The following TMCC2 variants were observed in gnomAD, a reference collection of about 807,000 sequenced individuals.
TMCC2 encodes transmembrane and coiled-coil domains protein 2.
A neutral mutation model predicts 49.4 loss-of-function variants in TMCC2; 16 were observed. The ratio of observed to expected loss-of-function variants is 0.32; its 90% confidence interval spans 0.22 to 0.49. The LOEUF is 0.49. TMCC2 is among the 20% of genes least tolerant of loss of function. The pLI is 0.99. For missense variants in TMCC2, 762 were observed against 989.8 expected (o/e 0.77, Z 3.09); for synonymous variants, 397 against 434.1 (o/e 0.91, Z 1.06).
At chr1:205,237,358 G>A (rs560351010) in intron 1 of TMCC2, among the ~76,000 whole-genome samples, 7 of 152,286 alleles carry the variant, frequency 4.6e-5, no homozygotes, top group African/African-American at 1.4e-4. Context: ...ATAAATAGAG[G>A]AATGTTGGCG....
At position 205,271,275 on chromosome 1, in the gene TMCC2, G is replaced by C. The variant is rs1661578324; in HGVS notation, c.1818+20G>C. 5 of 1,613,846 alleles carry C rather than the reference G, an allele frequency of 3.1e-6. No homozygotes were observed. The highest frequency in any genetic ancestry group is 4.2e-6 in the Non-Finnish European group (5 of 1,180,030). On this transcript the variant is annotated intron_variant, in intron 4 of 4. Transcript: ENST00000358024. ...ATCCAGGTATGGCCAGGGCAACCTT[G>C]GGAGGCCCCAGATGTGCTGGTAGAG...
At chr1:205,268,178 C>T (rs1474247096) in intron 2 of TMCC2, 1 of 617,404 alleles carries the variant, frequency 1.6e-6, no homozygotes, top group Non-Finnish European at 2.0e-6. Flanking sequence ...GCGGTCAGCC[C>T]TGAGGGAGAG....
Position 205,271,166 on chromosome 1 carries a change from C to T in TMCC2, c.1729C>T (p.Gln577Ter). The change falls in exon 4 of 5, where the codon CAG (glutamine) becomes TAG (stop). Residue 577 changes from glutamine (Q) to a stop codon, truncating the protein, a stop_gained. Coordinates refer to ENST00000358024, the MANE Select transcript of TMCC2 (RefSeq NM_014858.4). LOFTEE classifies it high-confidence loss of function. ...GCTCAACGACCTGACTGAGCTTCAT[C>T]AGAACGAGATGACGAACCTGAAGCA... ...EQLNDLTELH[Q>*]NEMTNLKQEL... 2 of 1,613,848 alleles carry T rather than the reference C, an allele frequency of 1.2e-6. No individual in the cohort carries two copies. The highest frequency in any genetic ancestry group is 1.7e-6 in the Non-Finnish European group (2 of 1,180,038).
At position 205,241,416 on chromosome 1, in the gene TMCC2, C is replaced by A. The variant is rs1169556873; in HGVS notation, c.208-89C>A. On this transcript the variant is annotated intron_variant, in intron 1 of 4. Coordinates refer to ENST00000358024, the MANE Select transcript of TMCC2 (RefSeq NM_014858.4). The surrounding 1 kb of genome is among the most constrained non-coding windows in gnomAD (Gnocchi z 7.3). The stretch of plus-strand genomic sequence containing the variant: ...GGCTGCATTAGCTATGCCAGTCTAC[C>A]AAGGACAGACCCTTCACCTTCACCC... 2 of 1,386,808 alleles carry A rather than the reference C, an allele frequency of 1.4e-6. No individual in the cohort carries two copies. Among genetic ancestry groups the A allele is most frequent in the Non-Finnish European group, 9.9e-7 (1 of 1,009,068 alleles). The allele number at this position is 1,386,808 out of a possible 1,614,324, so 85.9% of individuals were successfully genotyped here. A position where few individuals can be genotyped will look rare whatever the true frequency, so the allele number is the denominator to read the frequency against.
chr1:205,233,491 T>C (rs1659893586), intron 1 of TMCC2, among the ~76,000 whole-genome samples: 1 of 152,126 alleles, frequency 6.6e-6, no homozygotes, highest in Non-Finnish European at 1.5e-5. Flanking sequence ...TCCTGTGTGG[T>C]TCTCCCTGCT....
At chr1:205,232,353 G>A (rs1659834050) in intron 1 of TMCC2, among the ~76,000 whole-genome samples, 1 of 152,212 alleles carries the variant, frequency 6.6e-6, no homozygotes, top group Non-Finnish European at 1.5e-5. Flanking sequence ...TGCAACAGGA[G>A]CACAACAATT....
rs959593641 is a variant in TMCC2 at position 205,245,161 on chromosome 1, C to G, written c.747+3117C>G. 2.0e-5 allele frequency among the ~76,000 whole-genome samples: 3 copies of G among 152,068 alleles called. No individual in the cohort carries two copies. In the South Asian group the frequency reaches 6.2e-4, roughly 32 times the overall value. On this transcript the variant is annotated intron_variant, in intron 2 of 4. Coordinates refer to ENST00000358024, the MANE Select transcript of TMCC2 (RefSeq NM_014858.4). ...AATGGCAGGGACCTCGAAGGCCAGG[C>G]TGAAGCAACACTGAGTACAGTAGAA...
At chr1:205,253,757 G>A (rs779128235) in intron 2 of TMCC2, among the ~76,000 whole-genome samples, 1 of 152,226 alleles carries the variant, frequency 6.6e-6, no homozygotes, top group Non-Finnish European at 1.5e-5. Flanking sequence ...GCTCCTGATG[G>A]CAGCTACTTC....
In TMCC2 at chr1:205,260,824, T is replaced by C. The variant is rs145802226; in HGVS notation, c.748-8126T>C. On this transcript the variant is annotated intron_variant, in intron 2 of 4. Transcript: ENST00000358024. ...GTTTGTTTCACTTAGCCTAACATTA[T>C]TGAGGTTCACCCATGTTGGAGCATT... Among the ~76,000 whole-genome samples, 98 of 152,328 alleles carry C rather than the reference T, an allele frequency of 6.4e-4. 1 individual carries two copies. The highest frequency in any genetic ancestry group is 1.0e-3 in the Non-Finnish European group (70 of 68,038).
intron 2 of TMCC2, among the ~76,000 whole-genome samples, chr1:205,247,091 A>G (rs947546715): frequency 5.9e-5 from 9 of 152,190 alleles, no homozygotes; most frequent in Admixed American, 2.0e-4. Flanking sequence ...CAGGGTGATC[A>G]TGGGGGAAAT....
chr1:205,243,358 T>C (rs953206619), intron 2 of TMCC2, among the ~76,000 whole-genome samples: 7 of 152,042 alleles, frequency 4.6e-5, no homozygotes, highest in Non-Finnish European at 7.4e-5. Context: ...CACTCCAGCC[T>C]GGGAGACAGA....
In TMCC2 at chr1:205,269,892, C is replaced by T; in HGVS notation, c.1682+8C>T. The T allele has an allele frequency of 6.2e-7, 1 of 1,605,456 alleles. No individual in the cohort carries two copies. The highest frequency in any genetic ancestry group is 8.5e-7 in the Non-Finnish European group (1 of 1,174,910). The stretch of plus-strand genomic sequence containing the variant: ...GCAGGAGGAGCGCTACAGGTAGGTG[C>T]CTGCCCACCCCCTCCTGCAGCCCAG... On this transcript the variant is annotated splice_region_variant and intron_variant, in intron 3 of 4. Coordinates refer to ENST00000358024, the MANE Select transcript of TMCC2 (RefSeq NM_014858.4).
chr1:205,232,447 C>A (rs1195390310), intron 1 of TMCC2, among the ~76,000 whole-genome samples: 2 of 152,166 alleles, frequency 1.3e-5, no homozygotes, highest in African/African-American at 4.8e-5. Context: ...CCTTATTGCC[C>A]AGCCTTTTGC....
At position 205,239,972 on chromosome 1, in the gene TMCC2, GA is replaced by G. The variant is rs1026945243; in HGVS notation, c.208-1522del. On this transcript the variant is annotated intron_variant, in intron 1 of 4. Coordinates refer to ENST00000358024, the MANE Select transcript of TMCC2 (RefSeq NM_014858.4). ...TCTGCTCTGTAAGTTTGTTTCTAGG[GA>G]AAAAAAAAAAGAAAATCCAGTCTGT... is the stretch of plus-strand genomic sequence containing the variant. 4.2e-4 allele frequency among the ~76,000 whole-genome samples: 60 copies of G among 143,202 alleles called. No individual in the cohort carries two copies. The Middle Eastern group carries it at 0.011, about 26-fold the overall frequency. The allele number at this position is 143,202 out of a possible 152,430, so 93.9% of individuals were successfully genotyped here.
intron 1 of TMCC2, among the ~76,000 whole-genome samples, chr1:205,235,731 A>C (rs1016072905): frequency 6.6e-6 from 1 of 152,220 alleles, no homozygotes; most frequent in African/African-American, 2.4e-5. Flanking sequence ...AAGTTAGAAC[A>C]AAGCTGTTGG....
Position 205,269,727 on chromosome 1 carries a change from C to T in TMCC2, c.1525C>T (p.Leu509=). 1 of 1,614,206 alleles carries T rather than the reference C, an allele frequency of 6.2e-7. No homozygotes were observed. The highest frequency in any genetic ancestry group is 8.5e-7 in the Non-Finnish European group (1 of 1,180,024). ...GCTGGGGAGCCCTAAGTCCAATGCA[C>T]TGTATGGTGCTCCTGGAAACCTGGA... The part of the protein sequence containing the change: ...GALGSPKSNA[L]YGAPGNLDAL... Residue 509 remains leucine, a synonymous_variant, in exon 3 of 5, where the codon CTG becomes TTG. Coordinates refer to ENST00000358024, the MANE Select transcript of TMCC2 (RefSeq NM_014858.4).
rs925460978 is a variant in TMCC2, at chr1:205,236,881, G to A, written c.208-4624G>A. On this transcript the variant is annotated intron_variant, in intron 1 of 4. Transcript: ENST00000358024. ...TAATAAAAGTCTTCTATGTTGGTGT[G>A]TGCTGAATCAGTTCTGCCTAAAGAC... 3 of 152,302 alleles carry A rather than the reference G, an allele frequency of 2.0e-5. No homozygotes were observed. The East Asian group carries it at 5.8e-4, about 29-fold the overall frequency. 9.4% of individuals were successfully genotyped at this position (152,302 alleles called of 1,614,324 possible).
chr1:205,257,749 T>C (rs1184878262), intron 2 of TMCC2, among the ~76,000 whole-genome samples: 1 of 152,086 alleles, frequency 6.6e-6, no homozygotes, highest in African/African-American at 2.4e-5. Context: ...ACTGTGAAGG[T>C]CCAGTGAGTG....
At position 205,241,746 on chromosome 1, in the gene TMCC2, G is replaced by C; in HGVS notation, c.449G>C (p.Arg150Pro). 1 of 1,612,812 alleles carries C rather than the reference G, an allele frequency of 6.2e-7. No homozygotes were observed. Among genetic ancestry groups the C allele is most frequent in the Non-Finnish European group, 8.5e-7 (1 of 1,179,950 alleles). ...CCCGCCCGGCCCACCGCCTTCAACC[G>C]CGTGCTGCAGCAGATCCGCTCCCGG... ...DLPARPTAFN[R>P]VLQQIRSRPS... The change falls in exon 2 of 5, where the codon CGC becomes CCC. Residue 150 changes from arginine (R) to proline (P), a missense_variant. Arg to Pro is a moderately radical substitution (Grantham distance 103). Coordinates refer to ENST00000358024, the MANE Select transcript of TMCC2 (RefSeq NM_014858.4). This position sits in a 1 kb window ranked among gnomAD's most constrained non-coding sequence, Gnocchi z 7.3.
Sources: allele counts gnomAD v4.1 joint callset (sites outside exome capture counted in the v4.1 genomes callset), GRCh38; gene constraint gnomAD v4.1.1; non-coding constraint Gnocchi (gnomAD v3.1); transcripts MANE v1.5; gene names NCBI Gene and HGNC (gene_info 2026-07-23, HGNC 2026-07-21).